VEPH1: variants seen among roughly 807,000 people sequenced by gnomAD.
VEPH1 encodes the protein ventricular zone-expressed PH domain-containing protein homolog 1.
In VEPH1, 80 loss-of-function variants were observed where a neutral mutation model predicts 85.2. The ratio of observed to expected loss-of-function variants is 0.94; its 90% CI spans 0.78 to 1.13. The LOEUF (loss-of-function observed/expected upper bound fraction) is 1.13. VEPH1 is among the 50% of genes most tolerant of loss of function. The probability of loss-of-function intolerance (pLI) is 0.00; values close to 1 mark genes in which losing one functional copy is unlikely to be tolerated. For missense variants in VEPH1, 955 were observed against 980.5 expected, an observed-to-expected ratio of 0.97 and a Z score of 0.35; for synonymous variants, 297 against 348.0, an observed-to-expected ratio of 0.85 and a Z score of 1.63.
chr3:157,450,078 CA>C (rs911633661), intron 4 of VEPH1, among the ~76,000 whole-genome samples: 1 of 85,822 alleles, frequency 1.2e-5, no homozygotes. Context: ...TTTTTTGAGA[CA>C]GGGGCTTGTT....
At chr3:157,473,322 T>C (rs1482783286) in intron 2 of VEPH1, among the ~76,000 whole-genome samples, 1 of 152,066 alleles carries the variant, frequency 6.6e-6, no homozygotes, top group Non-Finnish European at 1.5e-5. Flanking sequence ...TCTGCCTGCC[T>C]TGGCCTCCCA....
chr3:157,262,809 G>T (rs764421647), intron 13 of VEPH1, among the ~76,000 whole-genome samples: 3 of 152,200 alleles, frequency 2.0e-5, no homozygotes, highest in African/African-American at 7.2e-5. Flanking sequence ...TTCTTTTAGG[G>T]TACACAGGAT....
chr3:157,400,853 T>A (rs1355822360), intron 6 of VEPH1, among the ~76,000 whole-genome samples: 1 of 152,152 alleles, frequency 6.6e-6, no homozygotes, highest in Non-Finnish European at 1.5e-5. Context: ...GGATTTACTC[T>A]CTAAAAACTA....
chr3:157,398,458 A>AT (rs1730579339), intron 6 of VEPH1, among the ~76,000 whole-genome samples: 1 of 152,036 alleles, frequency 6.6e-6, no homozygotes, highest in Non-Finnish European at 1.5e-5. Flanking sequence ...ATATGGTGAA[A>AT]CACCATCTCT....
At chr3:157,302,042 T>C (rs1445231992) in intron 11 of VEPH1, among the ~76,000 whole-genome samples, 1 of 152,312 alleles carries the variant, frequency 6.6e-6, no homozygotes, top group East Asian at 1.9e-4. Flanking sequence ...CTCCCAGTTT[T>C]ATCCACCTTA....
rs570340240 is a variant in VEPH1, at chr3:157,371,920, C to T, written c.1128-7408G>A. On this transcript the variant is annotated intron_variant, in intron 7 of 13. Coordinates refer to ENST00000362010, the MANE Select transcript of VEPH1 (RefSeq NM_001167912.2). The stretch of plus-strand genomic sequence containing the variant: ...GGTGAGCAGTAGCCTTAACAGAAGA[C>T]GGCCGCCCCATCCTAATGAACTGCC... Among the ~76,000 whole-genome samples, 156 of 152,204 alleles carry T rather than the reference C, an allele frequency of 1.0e-3. 1 individual carries two copies. The highest frequency in any genetic ancestry group is 6.8e-3 in the Middle Eastern group (2 of 294).
intron 6 of VEPH1, among the ~76,000 whole-genome samples, chr3:157,394,096 G>A (rs1226087550): frequency 4.6e-5 from 7 of 152,180 alleles, no homozygotes; most frequent in Admixed American, 3.3e-4. Context: ...ATATTATCCG[G>A]CATTTGGGTT....
At chr3:157,418,413 C>A (rs1165267643) in intron 5 of VEPH1, among the ~76,000 whole-genome samples, 1 of 152,028 alleles carries the variant, frequency 6.6e-6, no homozygotes, top group Non-Finnish European at 1.5e-5. Context: ...GAAAACAGTG[C>A]CGTAACTTAA....
In VEPH1 at chr3:157,495,426, A is replaced by G. The variant is rs938292257; in HGVS notation, c.-77T>C. The G allele has an allele frequency of 6.1e-5, 95 of 1,569,090 alleles. No homozygotes were observed. The highest frequency in any genetic ancestry group is 7.8e-5 in the Non-Finnish European group (90 of 1,160,154). ...TCCAGTTATCAGAGGTCAGTAAGAC[A>G]AAAACATGTAGAAGGAGGTATACTT... is the stretch of plus-strand genomic sequence containing the variant. On this transcript the variant is annotated 5_prime_UTR_variant, in exon 2 of 14. Transcript: ENST00000362010.
At chr3:157,426,132 T>C (rs1486370805) in intron 5 of VEPH1, among the ~76,000 whole-genome samples, 1 of 152,222 alleles carries the variant, frequency 6.6e-6, no homozygotes, top group African/African-American at 2.4e-5. Flanking sequence ...CCTCTTTTTC[T>C]TCCCAGTCTT....
chr3:157,368,336 T>A (rs1030637496), intron 7 of VEPH1, among the ~76,000 whole-genome samples: 3 of 152,208 alleles, frequency 2.0e-5, no homozygotes, highest in Admixed American at 6.5e-5. Context: ...CATGTTCAAG[T>A]TGCTTTATAG....
At chr3:157,290,053 C>G (rs1356282333) in intron 11 of VEPH1, among the ~76,000 whole-genome samples, 2 of 149,476 alleles carry the variant, frequency 1.3e-5, no homozygotes, top group African/African-American at 4.9e-5. Flanking sequence ...CACACACACA[C>G]ACACACACAC....
At chr3:157,443,847 TAAG>T (rs944539874) in intron 4 of VEPH1, among the ~76,000 whole-genome samples, 1 of 152,196 alleles carries the variant, frequency 6.6e-6, no homozygotes, top group Non-Finnish European at 1.5e-5. Context: ...ATTGATGAAA[TAAG>T]AATCTCTAGG....
intron 12 of VEPH1, among the ~76,000 whole-genome samples, chr3:157,275,266 T>C (rs1286831382): frequency 6.6e-6 from 1 of 152,124 alleles, no homozygotes; most frequent in Non-Finnish European, 1.5e-5. Context: ...AAAGAAAACA[T>C]ATTCTGGAAG....
Position 157,470,453 on chromosome 3 carries a change from G to T in VEPH1, c.215C>A (p.Thr72Asn), listed in dbSNP as rs1050578277. The T allele has an allele frequency of 3.1e-6, 5 of 1,614,062 alleles. No individual in the cohort carries two copies. The highest frequency in any genetic ancestry group is 2.7e-5 in the African/African-American group (2 of 74,922). ...CTTTGCATGCTTTTCAATGGACTCG[G>T]TCTCTCTGATGGCTGTTGTGATTCT... ...ITRITTAIRE[T>N]ESIEKHAKAL... The change falls in exon 3 of 14, where the codon ACC becomes AAC. Residue 72 changes from threonine (T) to asparagine (N), a missense_variant. Physicochemically the swap from Thr to Asn is moderately conservative, Grantham distance 65. Transcript: ENST00000362010.
chr3:157,345,030 G>A (rs925634938), intron 9 of VEPH1, among the ~76,000 whole-genome samples: 1 of 152,170 alleles, frequency 6.6e-6, no homozygotes, highest in Admixed American at 6.5e-5. Flanking sequence ...ATTAATTCAA[G>A]ATGGATTAAA....
At chr3:157,441,289 T>G (rs1248609739) in intron 4 of VEPH1, among the ~76,000 whole-genome samples, 4 of 152,240 alleles carry the variant, frequency 2.6e-5, no homozygotes, top group African/African-American at 9.6e-5. Flanking sequence ...CATAGATAAG[T>G]TACTTTTACC....
At chr3:157,492,615 A>G (rs1739318628) in intron 2 of VEPH1, among the ~76,000 whole-genome samples, 1 of 152,044 alleles carries the variant, frequency 6.6e-6, no homozygotes, top group Admixed American at 6.6e-5. Context: ...CAGAGGGTAG[A>G]CTCTTTTGAT....
chr3:157,495,227 T>A lies in VEPH1; in HGVS notation c.123A>T (p.Ile41=). The change falls in exon 2 of 14, where the codon ATA becomes ATT. Residue 41 remains isoleucine, a synonymous_variant. Coordinates refer to ENST00000362010, the MANE Select transcript of VEPH1 (RefSeq NM_001167912.2). ...GTTTACTTACTGAAGATGAGCTAAT[T>A]ATCTTAATTTGCTCCAAAGCTTCTG... ...SLTEALEQIK[I]ISSSSDYQTN... The A allele has an allele frequency of 6.2e-7, 1 of 1,613,942 alleles. No individual in the cohort carries two copies. The highest frequency in any genetic ancestry group is 8.5e-7 in the Non-Finnish European group (1 of 1,179,892).
Sources: gnomAD v4.1 joint callset for allele counts (sites outside exome capture counted in the v4.1 genomes callset) on GRCh38, gnomAD v4.1.1 for gene constraint, MANE v1.5 for transcripts, NCBI Gene and HGNC (gene_info 2026-07-23, HGNC 2026-07-21) for gene names.